PPP2R5E: variants seen among roughly 807,000 people sequenced by gnomAD.
PPP2R5E encodes the protein serine/threonine-protein phosphatase 2A 56 kDa regulatory subunit epsilon isoform.
A neutral mutation model predicts 65.3 loss-of-function variants in PPP2R5E; 4 were observed. That is an observed-to-expected ratio of 0.06 (90% CI 0.03 to 0.14). PPP2R5E has a LOEUF of 0.14. Among genes scored for constraint, PPP2R5E ranks in the 10% least tolerant of loss-of-function variants. The pLI, the probability that PPP2R5E is intolerant of heterozygous loss-of-function variation, is 1.00. For missense variants in PPP2R5E, 274 were observed against 556.1 expected, an observed-to-expected ratio of 0.49 and a Z score of 5.10; for synonymous variants, 183 against 187.4, an observed-to-expected ratio of 0.98 and a Z score of 0.19.
intron 3 of PPP2R5E, among the ~76,000 whole-genome samples, chr14:63,450,209 T>C (rs1037165847): frequency 1.3e-5 from 2 of 152,144 alleles, no homozygotes; most frequent in African/African-American, 4.8e-5. Flanking sequence ...TAATATCCCC[T>C]TTCTGTAAAT....
Position 63,415,247 on chromosome 14 carries a change from T to C in PPP2R5E, c.457-15A>G. 8.4e-6 allele frequency: 13 copies of C among 1,548,926 alleles called. No individual in the cohort carries two copies. Among genetic ancestry groups the C allele is most frequent in the Non-Finnish European group, 9.8e-6 (11 of 1,124,392 alleles). ...TCATATACAAGCTGCAACAAACAGA[T>C]TATAATTAATTTCAAATTATGACTC... On this transcript the variant is annotated splice_polypyrimidine_tract_variant and intron_variant, in intron 4 of 13. Coordinates refer to ENST00000337537, the MANE Select transcript of PPP2R5E (RefSeq NM_006246.5).
At chr14:63,420,644 A>C (rs1886955047) in intron 4 of PPP2R5E, among the ~76,000 whole-genome samples, 1 of 152,212 alleles carries the variant, frequency 6.6e-6, no homozygotes, top group South Asian at 2.1e-4. Flanking sequence ...TGAGTTGTCA[A>C]AGCAGGACAG....
intron 2 of PPP2R5E, among the ~76,000 whole-genome samples, chr14:63,492,016 A>G (rs1305579381): frequency 6.6e-6 from 1 of 152,142 alleles, no homozygotes; most frequent in Non-Finnish European, 1.5e-5. Flanking sequence ...AAACACATCA[A>G]GAAACAAAGG....
At chr14:63,484,173 C>T (rs1890858743) in intron 2 of PPP2R5E, among the ~76,000 whole-genome samples, 1 of 151,934 alleles carries the variant, frequency 6.6e-6, no homozygotes, top group Non-Finnish European at 1.5e-5. Context: ...TGGGGCCACT[C>T]CCTAAAGGCA....
chr14:63,511,577 A>G (rs954376167), intron 2 of PPP2R5E, among the ~76,000 whole-genome samples: 2 of 152,220 alleles, frequency 1.3e-5, no homozygotes, highest in African/African-American at 4.8e-5. Flanking sequence ...AGCTGATTCA[A>G]AATCTATTTA....
At chr14:63,392,213 T>C (rs1315868680) in intron 8 of PPP2R5E, among the ~76,000 whole-genome samples, 188 bp from the exon 9 acceptor site, 1 of 152,218 alleles carries the variant, frequency 6.6e-6, no homozygotes, top group Non-Finnish European at 1.5e-5. Context: ...CAAAGACTAA[T>C]ATTAACAAGG....
chr14:63,417,483 G>C (rs1255074526), intron 4 of PPP2R5E, among the ~76,000 whole-genome samples: 1 of 131,342 alleles, frequency 7.6e-6, no homozygotes, highest in Non-Finnish European at 1.5e-5. Context: ...GATGTTTCAT[G>C]AGGAGGAAAA....
intron 2 of PPP2R5E, among the ~76,000 whole-genome samples, chr14:63,486,583 T>C (rs752572162): frequency 1.3e-5 from 2 of 152,072 alleles, no homozygotes; most frequent in Admixed American, 6.6e-5. Flanking sequence ...ATTTGGGTTA[T>C]ACCAGAATAT....
chr14:63,530,110 G>A (rs536681360), intron 2 of PPP2R5E, among the ~76,000 whole-genome samples: 140 of 151,830 alleles, frequency 9.2e-4, no homozygotes, highest in African/African-American at 3.2e-3. Context: ...AAAAAAGAAT[G>A]CACATACACA....
At chr14:63,391,782 T>TA in intron 10 of PPP2R5E, 35 bp downstream of exon 10, 1 of 1,599,376 alleles carries the variant, frequency 6.3e-7, no homozygotes, top group South Asian at 1.1e-5. Context: ...AAATATTCAG[T>TA]AAGCTATGAA....
At chr14:63,495,274 AAAAAT>A (rs1471313262) in intron 2 of PPP2R5E, among the ~76,000 whole-genome samples, 2 of 151,660 alleles carry the variant, frequency 1.3e-5, no homozygotes, top group African/African-American at 4.8e-5. Flanking sequence ...CTATTTTTAT[AAAAAT>A]AAACATGTCT....
chr14:63,431,789 A>T (rs116179329), intron 3 of PPP2R5E, among the ~76,000 whole-genome samples: 18 of 152,368 alleles, frequency 1.2e-4, no homozygotes, highest in African/African-American at 4.3e-4. Context: ...GGAGATTTCT[A>T]AAGCGAGTAA....
At chr14:63,394,671 T>C (rs1443340200) in intron 7 of PPP2R5E, among the ~76,000 whole-genome samples, 1 of 152,206 alleles carries the variant, frequency 6.6e-6, no homozygotes, top group Non-Finnish European at 1.5e-5. Flanking sequence ...GAGAAAGCCA[T>C]GTGACTCCAC....
chr14:63,453,425 C>T (rs1348490442), intron 3 of PPP2R5E: 1 of 256,842 alleles, frequency 3.9e-6, no homozygotes, highest in Non-Finnish European at 7.3e-6. Flanking sequence ...AGCTAGAAAT[C>T]CAGTAATACC....
chr14:63,383,456 A>G (rs1884484750), intron 12 of PPP2R5E, among the ~76,000 whole-genome samples: 1 of 152,222 alleles, frequency 6.6e-6, no homozygotes, highest in Non-Finnish European at 1.5e-5. Context: ...ATGGGAAAGC[A>G]CCAAATGTAG....
intron 3 of PPP2R5E, among the ~76,000 whole-genome samples, chr14:63,448,301 A>G (rs1439996168): frequency 1.3e-5 from 2 of 152,120 alleles, no homozygotes; most frequent in African/African-American, 4.8e-5. Flanking sequence ...CATCTCAAAA[A>G]TAAATAAATA....
chr14:63,527,542 T>C (rs1028263516), intron 2 of PPP2R5E, among the ~76,000 whole-genome samples: 1 of 152,228 alleles, frequency 6.6e-6, no homozygotes, highest in Non-Finnish European at 1.5e-5. Flanking sequence ...TATCTAGCAC[T>C]AGGCTAAATG....
chr14:63,415,283 G>T (rs1045944220), intron 4 of PPP2R5E, 51 bp from the exon 5 acceptor site: 1 of 1,349,012 alleles, frequency 7.4e-7, no homozygotes, highest in Admixed American at 1.9e-5. Context: ...ACTGAGAACA[G>T]TACTAAAAAC....
In PPP2R5E at chr14:63,465,188, G is replaced by A. The variant is rs182458113; in HGVS notation, c.158-11303C>T. Among the ~76,000 whole-genome samples, 7 of 151,968 alleles carry A rather than the reference G, an allele frequency of 4.6e-5. No individual in the cohort carries two copies. The East Asian group carries it at 1.2e-3, about 25-fold the overall frequency. Reference sequence around the variant, plus strand: ...ATCAAGTATCTATAAATACTGTATGGAATCAATTTCCTATTTCATAACTTA... The same window carrying A: ...ATCAAGTATCTATAAATACTGTATGAAATCAATTTCCTATTTCATAACTTA... On this transcript the variant is annotated intron_variant, in intron 2 of 13. Transcript: ENST00000337537.
Sources: allele counts gnomAD v4.1 joint callset (sites outside exome capture counted in the v4.1 genomes callset), GRCh38; gene constraint gnomAD v4.1.1; transcripts MANE v1.5; gene names NCBI Gene and HGNC (gene_info 2026-07-23, HGNC 2026-07-21).